DNAH5: variants seen among roughly 807,000 people sequenced by gnomAD.
The protein encoded by DNAH5 is dynein axonemal heavy chain 5.
A neutral mutation model predicts 518.2 loss-of-function variants in DNAH5; 372 were observed. That is an observed-to-expected ratio of 0.72 (90% confidence interval 0.66 to 0.78). The LOEUF (loss-of-function observed/expected upper bound fraction) is 0.78. Among genes scored for constraint, DNAH5 ranks in the 30% least tolerant of loss-of-function variants. The pLI is 0.00. For missense variants in DNAH5, 5,523 were observed against 5,687.0 expected, an observed-to-expected ratio of 0.97 and a Z score of 0.93; for synonymous variants, 2,039 against 2,025.9, an observed-to-expected ratio of 1.01 and a Z score of -0.17.
intron 16 of DNAH5, among the ~76,000 whole-genome samples, chr5:13,892,820 C>T (rs550252333): frequency 2.1e-4 from 32 of 151,964 alleles, no homozygotes; most frequent in Non-Finnish European, 3.5e-4. Flanking sequence ...CCTGGGGAGG[C>T]GTATTTTGGA....
At chr5:13,746,053 T>A (rs1475006271) in intron 65 of DNAH5, among the ~76,000 whole-genome samples, 1 of 152,084 alleles carries the variant, frequency 6.6e-6, no homozygotes, top group African/African-American at 2.4e-5. Context: ...ATAAAAATAG[T>A]TTTCATATAA....
chr5:13,752,276 T>G lies in DNAH5; in HGVS notation c.10886A>C (p.Asn3629Thr), dbSNP rs2126695378. Reference sequence around the variant, plus strand: ...CAGGTGGTTTCTGAAGTACTTGTGATTTAAAGACGTGATCTAGGAACAGGA... The same window carrying G: ...CAGGTGGTTTCTGAAGTACTTGTGAGTTAAAGACGTGATCTAGGAACAGGA... ...SRNELQITSL[N>T]HKYFRNHLED... is the part of the protein sequence containing the mutation. The change falls in exon 64 of 79, where the codon AAT becomes ACT. Residue 3629 changes from asparagine to threonine, a missense_variant. Asn to Thr is a moderately conservative substitution (Grantham distance 65). Coordinates refer to ENST00000265104, the MANE Select transcript of DNAH5 (RefSeq NM_001369.3). 6.2e-7 allele frequency: 1 copy of G among 1,614,052 alleles called. No homozygotes were observed. Among genetic ancestry groups the G allele is most frequent in the Non-Finnish European group, 8.5e-7 (1 of 1,179,942 alleles).
intron 60 of DNAH5, among the ~76,000 whole-genome samples, chr5:13,761,289 T>C (rs1346664977): frequency 2.0e-5 from 3 of 152,154 alleles, no homozygotes; most frequent in Non-Finnish European, 2.9e-5. Context: ...AACTTAACTG[T>C]AGTTCTCTTT....
Position 13,769,619 on chromosome 5 carries a change from G to A in DNAH5, c.9606-4C>T. On this transcript the variant is annotated splice_polypyrimidine_tract_variant and splice_region_variant and intron_variant, in intron 56 of 78. Transcript: ENST00000265104. The stretch of plus-strand genomic sequence containing the variant: ...CTTTTCCAATCCAGTATTCATTCTG[G>A]GATTGAAAATCCAAGCAAGCAATGT... 6.2e-7 allele frequency: 1 copy of A among 1,612,140 alleles called. No individual in the cohort carries two copies. The highest frequency in any genetic ancestry group is 2.2e-5 in the East Asian group (1 of 44,838).
At chr5:13,857,666 T>C (rs1767819784) in intron 30 of DNAH5, among the ~76,000 whole-genome samples, 1 of 152,032 alleles carries the variant, frequency 6.6e-6, no homozygotes, top group Non-Finnish European at 1.5e-5. Context: ...AAAACAGATA[T>C]ATAGACCAAG....
rs1438515056 is a variant in DNAH5 at position 13,907,040 on chromosome 5, T to C, written c.1644+4346A>G. Among the ~76,000 whole-genome samples the C allele has an allele frequency of 2.0e-5, 3 of 151,806 alleles. No individual in the cohort carries two copies. The East Asian group carries it at 5.8e-4, about 29-fold the overall frequency. On this transcript the variant is annotated intron_variant, in intron 12 of 78. Coordinates refer to ENST00000265104, the MANE Select transcript of DNAH5 (RefSeq NM_001369.3). ...GATTAACATCTCCAAAGCTGCTCTTTGGGAAAAATAATAATACAGACTAAC... is the reference window on the plus strand; with the variant it reads ...GATTAACATCTCCAAAGCTGCTCTTCGGGAAAAATAATAATACAGACTAAC...
intron 3 of DNAH5, among the ~76,000 whole-genome samples, chr5:13,925,503 C>T (rs189600918): frequency 1.3e-5 from 2 of 152,266 alleles, no homozygotes; most frequent in East Asian, 3.9e-4. Flanking sequence ...CTTACAGTTC[C>T]ACGTGGCTGG....
At chr5:13,980,301 C>T (rs1782582421) in intron 1 of DNAH5, among the ~76,000 whole-genome samples, 1 of 152,128 alleles carries the variant, frequency 6.6e-6, no homozygotes, top group Admixed American at 6.6e-5. Flanking sequence ...CATTCTAACC[C>T]CCCAGGTGAC....
intron 35 of DNAH5, among the ~76,000 whole-genome samples, chr5:13,838,514 G>A (rs1234811344): frequency 2.0e-5 from 3 of 152,110 alleles, no homozygotes; most frequent in Admixed American, 2.0e-4. Flanking sequence ...GTGCATGTGA[G>A]GGATCTAGGT....
In DNAH5 at chr5:13,778,596, A is replaced by AATAAAGAAAGAAAG. The variant is rs1554044720; in HGVS notation, c.8952-1242_8952-1241insCTTTCTTTCTTTAT. ...AAAGAAAGAAAGAAAGAAAGAAAGAAAGAGAGAGAGAAAGAAAAAGAAAGA... is the reference window on the plus strand; with the variant it reads ...AAAGAAAGAAAGAAAGAAAGAAAGAAATAAAGAAAGAAAGAGAGAGAGAGAAAGAAAAAGAAAGA... On this transcript the variant is annotated intron_variant, in intron 53 of 78. Transcript: ENST00000265104. Among the ~76,000 whole-genome samples, 16 of 102,152 alleles carry AATAAAGAAAGAAAG rather than the reference A, an allele frequency of 1.6e-4. 1 individual carries two copies. The highest frequency in any genetic ancestry group is 3.2e-4 in the Non-Finnish European group (16 of 50,138). 67.0% of individuals were successfully genotyped at this position (102,152 alleles called of 152,430 possible).
chr5:13,738,595 CT>C (rs2126629051), intron 65 of DNAH5, among the ~76,000 whole-genome samples: 1 of 152,234 alleles, frequency 6.6e-6, no homozygotes, highest in East Asian at 1.9e-4. Context: ...TTGGCCTTTT[CT>C]TCCTCTTGGC....
At chr5:13,979,195 C>G (rs571836813) in intron 1 of DNAH5, among the ~76,000 whole-genome samples, 1 of 152,206 alleles carries the variant, frequency 6.6e-6, no homozygotes, top group Non-Finnish European at 1.5e-5. Flanking sequence ...TGTACATATA[C>G]CCAAAGCCTA....
intron 72 of DNAH5, among the ~76,000 whole-genome samples, 183 bp from the exon 73 acceptor site, chr5:13,717,703 GA>G (rs1744495693): frequency 6.6e-6 from 1 of 152,082 alleles, no homozygotes; most frequent in Admixed American, 6.5e-5. Flanking sequence ...ATTTCTCTCT[GA>G]AAAATCTTCA....
In DNAH5 at chr5:13,751,126, T is replaced by C; in HGVS notation, c.11163A>G (p.Lys3721=). The C allele has an allele frequency of 6.2e-7, 1 of 1,614,006 alleles. No individual in the cohort carries two copies. Among genetic ancestry groups the C allele is most frequent in the Non-Finnish European group, 8.5e-7 (1 of 1,179,918 alleles). ...TSIIDFTVTM[K]GLEDQLLGRV... is the part of the protein sequence containing the mutation. ...TCCCCAGTAACTGATCTTCTAGACC[T>C]TTCATGGTGACAGTGAAGTCAATGA... is the stretch of plus-strand genomic sequence containing the variant. Residue 3721 remains lysine (K), a synonymous_variant, in exon 65 of 79, where the codon AAA becomes AAG. Coordinates refer to ENST00000265104, the MANE Select transcript of DNAH5 (RefSeq NM_001369.3).
chr5:13,928,072 A>AT (rs1778063430), intron 3 of DNAH5, 22 bp downstream of exon 3: 3 of 1,581,626 alleles, frequency 1.9e-6, no homozygotes. Flanking sequence ...TTTCTGGGTT[A>AT]TGTCACATCA....
At chr5:13,833,442 C>CA (rs59325595) in intron 35 of DNAH5, among the ~76,000 whole-genome samples, 1,787 of 119,446 alleles carry the variant, frequency 0.015, 51 homozygotes, top group African/African-American at 0.05. Flanking sequence ...GACTCCTTCC[C>CA]AAAAAAAAAA....
intron 53 of DNAH5, 43 bp downstream of exon 53, chr5:13,780,786 T>C (rs1236201984): frequency 1.2e-6 from 2 of 1,611,046 alleles, no homozygotes; most frequent in Non-Finnish European, 8.5e-7. Flanking sequence ...GAGCACCTTT[T>C]ATCAAAATCC....
At chr5:13,704,575 C>T (rs961138761) in intron 76 of DNAH5, among the ~76,000 whole-genome samples, 5 of 152,288 alleles carry the variant, frequency 3.3e-5, no homozygotes, top group African/African-American at 7.2e-5. Context: ...GTTATTTAGC[C>T]GCCTTAAGAA....
intron 30 of DNAH5, among the ~76,000 whole-genome samples, chr5:13,856,759 A>G (rs1444141995): frequency 2.0e-5 from 3 of 152,164 alleles, no homozygotes; most frequent in Non-Finnish European, 4.4e-5. Flanking sequence ...CAATGAAAAA[A>G]CCACATGATT....
Sources: gnomAD v4.1 joint callset for allele counts (sites outside exome capture counted in the v4.1 genomes callset) on GRCh38, gnomAD v4.1.1 for gene constraint, MANE v1.5 for transcripts, NCBI Gene and HGNC (gene_info 2026-07-23, HGNC 2026-07-21) for gene names.